The following PJA2 variants were observed in gnomAD, a reference collection of about 807,000 sequenced individuals.
PJA2 encodes E3 ubiquitin-protein ligase Praja-2.
PJA2 carries 25 observed loss-of-function variants against 69.3 expected under a neutral mutation model. The observed-to-expected ratio is 0.36, with a 90% confidence interval of 0.26 to 0.50. The LOEUF is 0.50. Among genes scored for constraint, PJA2 ranks in the 20% least tolerant of loss-of-function variants. The pLI, the probability that PJA2 is intolerant of heterozygous loss-of-function variation, is 0.96. For missense variants in PJA2, 809 were observed against 830.2 expected (o/e 0.97, Z 0.31); for synonymous variants, 308 against 277.8 (o/e 1.11, Z -1.08).
intron 9 of PJA2, among the ~76,000 whole-genome samples, chr5:109,339,794 G>A (rs575148268): frequency 1.7e-4 from 26 of 152,068 alleles, no homozygotes; most frequent in Non-Finnish European, 3.7e-4. Context: ...AATTCATCAT[G>A]GATTACCTAC....
intron 1 of PJA2, among the ~76,000 whole-genome samples, chr5:109,407,451 T>A (rs1187028871): frequency 1.3e-5 from 2 of 152,202 alleles, no homozygotes; most frequent in African/African-American, 4.8e-5. Flanking sequence ...TCATAATTAA[T>A]GCTAAAACAT....
At chr5:109,341,882 G>C (rs1416765848) in intron 9 of PJA2, among the ~76,000 whole-genome samples, 349 of 26,154 alleles carry the variant, frequency 0.013, no homozygotes, top group East Asian at 0.018. Context: ...GTGGGGGGGT[G>C]AGCCCTCCGC....
intron 1 of PJA2, among the ~76,000 whole-genome samples, chr5:109,400,325 G>C (rs76699685): frequency 0.03 from 4,599 of 150,818 alleles, 91 homozygotes; most frequent in Middle Eastern, 0.049. Context: ...CAAAAGAAAT[G>C]ATCCAAGCCT....
chr5:109,407,134 G>A (rs1261789656), intron 1 of PJA2, among the ~76,000 whole-genome samples: 1 of 152,080 alleles, frequency 6.6e-6, no homozygotes, highest in African/African-American at 2.4e-5. Context: ...TGTGGTGGTG[G>A]TCACAGAGCA....
chr5:109,402,417 T>C (rs1747575441), intron 1 of PJA2, among the ~76,000 whole-genome samples: 1 of 152,102 alleles, frequency 6.6e-6, no homozygotes, highest in South Asian at 2.1e-4. Context: ...GACTTTGGAA[T>C]GAGGAATACT....
intron 4 of PJA2, among the ~76,000 whole-genome samples, chr5:109,372,118 T>C (rs1296133963): frequency 6.6e-6 from 1 of 152,224 alleles, no homozygotes; most frequent in African/African-American, 2.4e-5. Flanking sequence ...CTACCTATAT[T>C]TTCTTAATTT....
At chr5:109,406,234 G>A (rs1747690315) in intron 1 of PJA2, among the ~76,000 whole-genome samples, 1 of 152,042 alleles carries the variant, frequency 6.6e-6, no homozygotes, top group Non-Finnish European at 1.5e-5. Context: ...TAGAGATGGG[G>A]CTTCACCGTG....
intron 5 of PJA2, among the ~76,000 whole-genome samples, chr5:109,367,362 A>G (rs1762602276): frequency 6.9e-6 from 1 of 144,992 alleles, no homozygotes; most frequent in Non-Finnish European, 1.5e-5. Flanking sequence ...ACAAGTTTTA[A>G]TATTAGTCTA....
At chr5:109,354,282 TA>T (rs1762357634) in intron 7 of PJA2, among the ~76,000 whole-genome samples, 2 of 148,232 alleles carry the variant, frequency 1.3e-5, no homozygotes, top group African/African-American at 5.0e-5. Context: ...ATCTATAGAT[TA>T]GATATCTATG....
At chr5:109,386,581 T>C (rs566498313) in intron 1 of PJA2, among the ~76,000 whole-genome samples, 1 of 152,322 alleles carries the variant, frequency 6.6e-6, no homozygotes, top group African/African-American at 2.4e-5. Flanking sequence ...GCTACTTCTG[T>C]GGAAATCTTT....
At chr5:109,354,337 G>GATATCTATAGATTGGATATCT in intron 7 of PJA2, among the ~76,000 whole-genome samples, 1 of 143,960 alleles carries the variant, frequency 6.9e-6, no homozygotes, top group African/African-American at 2.7e-5. Context: ...GATATCTAGA[G>GATATCTATAGATTGGATATCT]ATATCTATAG....
At chr5:109,352,923 CATA>C (rs1762281860) in intron 7 of PJA2, among the ~76,000 whole-genome samples, 1 of 134,302 alleles carries the variant, frequency 7.4e-6, no homozygotes, top group Non-Finnish European at 1.7e-5. Flanking sequence ...CCTATAATAT[CATA>C]GACATCTATG....
At position 109,379,099 on chromosome 5, in the gene PJA2, C is replaced by G. The variant is rs144872344; in HGVS notation, c.388G>C (p.Asp130His). 2.9e-5 allele frequency: 47 copies of G among 1,613,940 alleles called. No homozygotes were observed. The African/African-American group carries it at 6.3e-4, about 22-fold the overall frequency. ...VAVHHSEEGR[D>H]TLGSSTNLHN... ...AGATTTGTACTGCTTCCTAAGGTAT[C>G]CCTGCCTTCCTCACTGTGATGTACT... The change falls in exon 4 of 10, where the codon GAT (aspartate) becomes CAT (histidine). Residue 130 changes from aspartate (D) to histidine (H), a missense_variant. By Grantham distance (81) the Asp-to-His change is moderately conservative. This residue lies in a region of PJA2 where 700 missense variants were observed against 639.5 expected (regional missense o/e 1.09). Transcript: ENST00000361189.
intron 1 of PJA2, among the ~76,000 whole-genome samples, chr5:109,398,524 T>A (rs372158096): frequency 6.6e-6 from 1 of 150,492 alleles, no homozygotes; most frequent in East Asian, 2.0e-4. Context: ...AGCAAACTAT[T>A]GCAAGGACAA....
chr5:109,384,978 G>A (rs940987911), intron 1 of PJA2, among the ~76,000 whole-genome samples: 2 of 152,004 alleles, frequency 1.3e-5, no homozygotes, highest in African/African-American at 4.8e-5. Flanking sequence ...CACCATGCCC[G>A]GCTAATTTTT....
chr5:109,348,172 G>C (rs909463650), intron 7 of PJA2, among the ~76,000 whole-genome samples: 3 of 152,172 alleles, frequency 2.0e-5, no homozygotes, highest in African/African-American at 7.2e-5. Context: ...TCCTATACTT[G>C]ATCTTACGGC....
intron 9 of PJA2, among the ~76,000 whole-genome samples, chr5:109,343,441 TAA>T (rs1463094381): frequency 6.6e-6 from 1 of 150,980 alleles, no homozygotes; most frequent in African/African-American, 2.4e-5. Flanking sequence ...GGTAGGTTAT[TAA>T]GTATCTCTCA....
At chr5:109,382,442 T>A (rs74928345) in intron 2 of PJA2, among the ~76,000 whole-genome samples, 4,621 of 152,332 alleles carry the variant, frequency 0.03, 93 homozygotes, top group Middle Eastern at 0.048. Flanking sequence ...TAGTACATTA[T>A]TATACACACA....
chr5:109,360,323 AGGT>A (rs1762486123), intron 6 of PJA2, among the ~76,000 whole-genome samples: 1 of 152,202 alleles, frequency 6.6e-6, no homozygotes, highest in Non-Finnish European at 1.5e-5. Context: ...CCAAGCTATC[AGGT>A]ACTCTTGAGT....
Sources: gnomAD v4.1 joint callset for allele counts (sites outside exome capture counted in the v4.1 genomes callset) on GRCh38, gnomAD v4.1.1 for gene constraint, gnomAD v4.1.1 regional missense constraint, MANE v1.5 for transcripts, NCBI Gene and HGNC (gene_info 2026-07-23, HGNC 2026-07-21) for gene names.